Variants in TMEM132D observed in about 807,000 individuals in gnomAD.
TMEM132D encodes transmembrane protein 132D, also known as mature OL transmembrane protein.
TMEM132D carries 21 observed loss-of-function variants against 62.3 expected under a neutral mutation model. The observed-to-expected ratio is 0.34, with a 90% CI of 0.24 to 0.49. TMEM132D has a LOEUF of 0.49. TMEM132D is among the 20% of genes least tolerant of loss of function. TMEM132D has a pLI of 0.99. For missense variants in TMEM132D, 1,346 were observed against 1,402.8 expected, an observed-to-expected ratio of 0.96 and a Z score of 0.65; for synonymous variants, 621 against 575.6, an observed-to-expected ratio of 1.08 and a Z score of -1.13.
At chr12:129,657,145 T>C (rs752560016) in intron 2 of TMEM132D, among the ~76,000 whole-genome samples, 5 of 152,210 alleles carry the variant, frequency 3.3e-5, no homozygotes, top group Non-Finnish European at 7.3e-5. Flanking sequence ...TAACTTCTAG[T>C]TCAGCTTTCA....
chr12:129,671,634 T>G lies in TMEM132D; in HGVS notation c.968+28176A>C, dbSNP rs1880502353. On this transcript the variant is annotated intron_variant, in intron 2 of 8. Coordinates refer to ENST00000422113, the MANE Select transcript of TMEM132D (RefSeq NM_133448.3). ...GCGTTTTTGAAACTTGGGGCAGGGC[T>G]GGGGAAGGGTACATGATGAGAGGTT... Among the ~76,000 whole-genome samples, 3 of 151,852 alleles carry G rather than the reference T, an allele frequency of 2.0e-5. No homozygotes were observed. In the South Asian group the frequency reaches 6.3e-4, roughly 32 times the overall value.
intron 2 of TMEM132D, among the ~76,000 whole-genome samples, chr12:129,670,735 T>G (rs945211602): frequency 6.6e-6 from 1 of 152,210 alleles, no homozygotes; most frequent in Non-Finnish European, 1.5e-5. Flanking sequence ...CGGCTCTGTC[T>G]AGGCAGTAGG....
chr12:129,514,047 G>C (rs1875599086), intron 3 of TMEM132D, among the ~76,000 whole-genome samples: 1 of 150,340 alleles, frequency 6.7e-6, no homozygotes, highest in African/African-American at 2.4e-5. Context: ...CACTGTGTCA[G>C]CCAGGATGGT....
intron 4 of TMEM132D, among the ~76,000 whole-genome samples, chr12:129,238,651 T>G (rs1330827128): frequency 6.6e-6 from 1 of 152,134 alleles, no homozygotes; most frequent in African/African-American, 2.4e-5. Flanking sequence ...GTAGCATATG[T>G]CCAAATTTCC....
intron 1 of TMEM132D, among the ~76,000 whole-genome samples, chr12:129,762,354 T>TA (rs1870407334): frequency 6.6e-6 from 1 of 151,988 alleles, no homozygotes; most frequent in African/African-American, 2.4e-5. Flanking sequence ...ATTGAATTTT[T>TA]TAAAAAAAAT....
chr12:129,128,398 G>A (rs1214464498), intron 5 of TMEM132D, among the ~76,000 whole-genome samples: 1 of 152,162 alleles, frequency 6.6e-6, no homozygotes, highest in Non-Finnish European at 1.5e-5. Context: ...GGAAGGTGAA[G>A]AGGAAGCAAG....
Position 129,101,998 on chromosome 12 carries a change from T to TC in TMEM132D, c.1444-17297_1444-17296insG, listed in dbSNP as rs1270657666. 1.8e-3 allele frequency among the ~76,000 whole-genome samples: 262 copies of TC among 149,338 alleles called. 1 individual carries two copies. The highest frequency in any genetic ancestry group is 5.8e-3 in the South Asian group (27 of 4,694). ...TCAAAGCTGCTGTTTTTTTTTTTTTTTCTCTCTCTCTCTCTTCATGGAATG... is the reference window on the plus strand; with the variant it reads ...TCAAAGCTGCTGTTTTTTTTTTTTTTCTCTCTCTCTCTCTCTTCATGGAATG... On this transcript the variant is annotated intron_variant, in intron 5 of 8. Coordinates refer to ENST00000422113, the MANE Select transcript of TMEM132D (RefSeq NM_133448.3).
chr12:129,429,246 A>C (rs1363693318), intron 3 of TMEM132D, among the ~76,000 whole-genome samples: 1 of 152,274 alleles, frequency 6.6e-6, no homozygotes, highest in Non-Finnish European at 1.5e-5. Context: ...CTTGATGGGA[A>C]GAGCCTGGAT....
In TMEM132D at chr12:129,730,556, C is replaced by A. The variant is rs148722623; in HGVS notation, c.80-29858G>T. Among the ~76,000 whole-genome samples the A allele has an allele frequency of 5.3e-3, 804 of 152,210 alleles. 4 individuals carry two copies. Among genetic ancestry groups the A allele is most frequent in the African/African-American group, 0.019 (774 of 41,524 alleles). On this transcript the variant is annotated intron_variant, in intron 1 of 8. Coordinates refer to ENST00000422113, the MANE Select transcript of TMEM132D (RefSeq NM_133448.3). ...TTATTCACTCTGCACACACTGATTG[C>A]ATATCTTGGTTAATAATGAGCGTCA...
intron 1 of TMEM132D, among the ~76,000 whole-genome samples, chr12:129,715,949 T>C (rs35046919): frequency 7.2e-5 from 11 of 152,114 alleles, no homozygotes; most frequent in African/African-American, 2.7e-4. Context: ...GCCACACGCA[T>C]TGCCACGCAG....
intron 3 of TMEM132D, among the ~76,000 whole-genome samples, chr12:129,368,178 A>G (rs958823265): frequency 6.6e-6 from 1 of 152,220 alleles, no homozygotes; most frequent in Non-Finnish European, 1.5e-5. Context: ...CTGGTGGCTC[A>G]AAGCTAAAGA....
At chr12:129,656,059 A>G (rs955203587) in intron 2 of TMEM132D, among the ~76,000 whole-genome samples, 1 of 152,188 alleles carries the variant, frequency 6.6e-6, no homozygotes, top group East Asian at 1.9e-4. Context: ...TAGATTTCCC[A>G]TTCTATAATT....
chr12:129,199,293 G>A (rs1347890058), intron 5 of TMEM132D, among the ~76,000 whole-genome samples: 1 of 151,810 alleles, frequency 6.6e-6, no homozygotes, highest in Non-Finnish European at 1.5e-5. Flanking sequence ...GTAGAGATAG[G>A]GTTTCGCCAT....
intron 5 of TMEM132D, among the ~76,000 whole-genome samples, chr12:129,125,387 CT>C (rs1289136009): frequency 6.6e-6 from 1 of 151,902 alleles, no homozygotes; most frequent in East Asian, 1.9e-4. Context: ...TAGCTTGAAT[CT>C]TCTTAATCGT....
chr12:129,572,466 G>C (rs752482870), intron 2 of TMEM132D, among the ~76,000 whole-genome samples: 7 of 150,008 alleles, frequency 4.7e-5, no homozygotes, highest in South Asian at 2.1e-4. Context: ...TTTTTTTGTT[G>C]AGACGGAGTT....
intron 4 of TMEM132D, among the ~76,000 whole-genome samples, chr12:129,295,837 A>G (rs370882140): frequency 2.0e-5 from 3 of 152,186 alleles, no homozygotes; most frequent in African/African-American, 7.2e-5. Flanking sequence ...TGTAAATGCT[A>G]TATCAATACT....
chr12:129,672,934 G>C lies in TMEM132D; in HGVS notation c.968+26876C>G, dbSNP rs191007580. Among the ~76,000 whole-genome samples the C allele has an allele frequency of 7.9e-4, 121 of 152,286 alleles. 1 individual carries two copies. Among genetic ancestry groups the C allele is most frequent in the Non-Finnish European group, 1.3e-4 (9 of 68,026 alleles). On this transcript the variant is annotated intron_variant, in intron 2 of 8. Coordinates refer to ENST00000422113, the MANE Select transcript of TMEM132D (RefSeq NM_133448.3). Reference sequence around the variant, plus strand: ...AGCTAATTTTTGTATTTTTAGTAGAGATGGGGTTTTACCATGTTAACCGGG... The same window carrying C: ...AGCTAATTTTTGTATTTTTAGTAGACATGGGGTTTTACCATGTTAACCGGG...
intron 2 of TMEM132D, among the ~76,000 whole-genome samples, chr12:129,649,216 A>T (rs1338379241): frequency 6.6e-6 from 1 of 152,196 alleles, no homozygotes; most frequent in South Asian, 2.1e-4. Flanking sequence ...TGTTTACTCC[A>T]GTCAGGTACA....
At chr12:129,848,030 G>A (rs939126271) in intron 1 of TMEM132D, among the ~76,000 whole-genome samples, 15 of 152,124 alleles carry the variant, frequency 9.9e-5, no homozygotes, top group Admixed American at 8.5e-4. Context: ...AGCACTTTAT[G>A]TAAGTTGTGG....
Sources: allele counts gnomAD v4.1 joint callset (sites outside exome capture counted in the v4.1 genomes callset), GRCh38; gene constraint gnomAD v4.1.1; transcripts MANE v1.5; gene names NCBI Gene and HGNC (gene_info 2026-07-23, HGNC 2026-07-21).